Variants in PTGER3 observed in about 807,000 individuals in gnomAD.
PTGER3 encodes prostaglandin E receptor 3.
In PTGER3, 22 loss-of-function variants were observed where a neutral mutation model predicts 34.7. The observed-to-expected ratio is 0.63, with a 90% CI of 0.45 to 0.91. The LOEUF (loss-of-function observed/expected upper bound fraction) is 0.91. Among genes scored for constraint, PTGER3 ranks in the 40% least tolerant of loss-of-function variants. The pLI, the probability that PTGER3 is intolerant of heterozygous loss-of-function variation, is 0.00. For missense variants in PTGER3, 468 were observed against 519.4 expected (o/e 0.90, Z 0.96); for synonymous variants, 241 against 230.1 (o/e 1.05, Z -0.43).
chr1:71,022,519 C>T (rs1190659216), intron 1 of PTGER3, among the ~76,000 whole-genome samples: 1 of 151,826 alleles, frequency 6.6e-6, no homozygotes, highest in Non-Finnish European at 1.5e-5. Flanking sequence ...TCTTATTAAA[C>T]TTTGCAGTAT....
intron 4 of PTGER3, among the ~76,000 whole-genome samples, chr1:70,876,840 C>T (rs969854439): frequency 6.6e-6 from 1 of 152,088 alleles, no homozygotes; most frequent in African/African-American, 2.4e-5. Flanking sequence ...CAGCACCCTG[C>T]CCTTTTGATT....
intron 2 of PTGER3, chr1:71,006,566 C>G (rs1656985943): frequency 1.0e-6 from 1 of 982,688 alleles, no homozygotes; most frequent in African/African-American, 1.7e-5. Context: ...TTTATAAATG[C>G]ACTCTGTGTT....
intron 3 of PTGER3, chr1:70,953,683 T>C: frequency 2.0e-6 from 3 of 1,524,824 alleles, no homozygotes; most frequent in South Asian, 2.5e-5. Context: ...TAAGGAAATA[T>C]GACAAACAGT....
chr1:71,017,466 C>T (rs1658007799), intron 1 of PTGER3, among the ~76,000 whole-genome samples: 2 of 152,094 alleles, frequency 1.3e-5, no homozygotes, highest in Non-Finnish European at 2.9e-5. Flanking sequence ...GTGTGTTGCT[C>T]TTAAGCCACT....
chr1:70,989,100 T>C (rs1448208994), intron 2 of PTGER3, among the ~76,000 whole-genome samples: 1 of 152,114 alleles, frequency 6.6e-6, no homozygotes, highest in African/African-American at 2.4e-5. Context: ...ATCATACTAC[T>C]GTGTAATAAA....
intron 4 of PTGER3, among the ~76,000 whole-genome samples, chr1:70,861,500 A>G (rs531854061): frequency 2.0e-4 from 31 of 152,318 alleles, no homozygotes; most frequent in African/African-American, 7.5e-4. Context: ...ATGCCTTTGA[A>G]GAAATTTGTA....
At chr1:70,910,856 G>T (rs1448873816) in intron 4 of PTGER3, among the ~76,000 whole-genome samples, 2 of 152,124 alleles carry the variant, frequency 1.3e-5, no homozygotes, top group African/African-American at 4.8e-5. Context: ...GCCGAGGCAG[G>T]CGGATCACGA....
At chr1:70,966,941 T>C (rs1357844144), downstream of PTGER3, among the ~76,000 whole-genome samples, 1 of 152,130 alleles carries the variant, frequency 6.6e-6, no homozygotes, top group Non-Finnish European at 1.5e-5. Context: ...GTAGAATGAT[T>C]TCTATTTTGG....
Position 71,047,044 on chromosome 1 carries a change from C to A in PTGER3, c.534G>T (p.Leu178=). The change falls in exon 1 of 4, where the codon CTG becomes CTT. Residue 178 remains leucine, a synonymous_variant. Coordinates refer to ENST00000306666, the MANE Select transcript of PTGER3 (RefSeq NM_198719.2). ...HMKTRATRAV[L]LGVWLAVLAF... ...CGAGCACGGCCAGCCACACGCCGAGCAGCACAGCGCGGGTGGCACGCGTCT... is the reference window on the plus strand; with the variant it reads ...CGAGCACGGCCAGCCACACGCCGAGAAGCACAGCGCGGGTGGCACGCGTCT... The A allele has an allele frequency of 6.2e-7, 1 of 1,611,450 alleles. No individual in the cohort carries two copies. The highest frequency in any genetic ancestry group is 8.5e-7 in the Non-Finnish European group (1 of 1,179,172).
intron 2 of PTGER3, among the ~76,000 whole-genome samples, chr1:70,984,320 G>A (rs896410116): frequency 6.6e-6 from 1 of 151,744 alleles, no homozygotes; most frequent in African/African-American, 2.4e-5. Context: ...CAGAGAGATG[G>A]AGATTGCAGT....
chr1:71,040,158 AAG>A (rs368268554), intron 1 of PTGER3, among the ~76,000 whole-genome samples: 7 of 151,750 alleles, frequency 4.6e-5, no homozygotes, highest in Non-Finnish European at 1.0e-4. Flanking sequence ...AAAGAAAGAA[AAG>A]AGAGAGGAGG....
At position 71,036,616 on chromosome 1, in the gene PTGER3, G is replaced by A. The variant is rs35033892; in HGVS notation, c.897+10065C>T. Among the ~76,000 whole-genome samples, 874 of 152,180 alleles carry A rather than the reference G, an allele frequency of 5.7e-3. 6 individuals are homozygous for A. Among genetic ancestry groups the A allele is most frequent in the Non-Finnish European group, 9.5e-3 (649 of 68,002 alleles). On this transcript the variant is annotated intron_variant, in intron 1 of 3. Transcript: ENST00000306666. Reference sequence around the variant, plus strand: ...AGCCCTTTGGGAGGCCGAGGTGGGCGGATCACAAGGTCAGGAGATCGAGAC... The same window carrying A: ...AGCCCTTTGGGAGGCCGAGGTGGGCAGATCACAAGGTCAGGAGATCGAGAC...
chr1:70,956,866 A>G (rs1651395663), intron 2 of PTGER3, among the ~76,000 whole-genome samples: 1 of 152,118 alleles, frequency 6.6e-6, no homozygotes, highest in Non-Finnish European at 1.5e-5. Flanking sequence ...GAGGTGGCCC[A>G]TGCCTGTAAT....
intron 4 of PTGER3, among the ~76,000 whole-genome samples, chr1:70,915,819 A>G (rs922192369): frequency 1.3e-5 from 2 of 152,000 alleles, no homozygotes; most frequent in African/African-American, 4.8e-5. Flanking sequence ...GTTTCTCAGA[A>G]TTGGCCTTGG....
chr1:71,017,612 A>C (rs1434515062), intron 1 of PTGER3, among the ~76,000 whole-genome samples: 1 of 151,978 alleles, frequency 6.6e-6, no homozygotes, highest in Non-Finnish European at 1.5e-5. Flanking sequence ...ATAGTGAGTG[A>C]CTTCTCATGA....
intron 4 of PTGER3, among the ~76,000 whole-genome samples, chr1:70,931,495 C>A (rs1428147597): frequency 6.6e-6 from 1 of 152,190 alleles, no homozygotes; most frequent in Non-Finnish European, 1.5e-5. Context: ...AGGGTCCTGC[C>A]CCTGCAGCAA....
intron 4 of PTGER3, among the ~76,000 whole-genome samples, chr1:70,885,992 A>T (rs1646490352): frequency 1.3e-5 from 2 of 152,262 alleles, no homozygotes; most frequent in African/African-American, 4.8e-5. Context: ...ACCTCATATG[A>T]TCCTCACAAC....
chr1:70,861,711 A>C lies in PTGER3; in HGVS notation c.*24-8852T>G, dbSNP rs145778824. ...TCATGGTTCCATTAGCAAAAAAAAA[A>C]ACAAAAACTTCTCTGTATGGTATCT... On this transcript the variant is annotated intron_variant, in intron 4 of 4. Coordinates refer to the PTGER3 transcript ENST00000370931. Among the ~76,000 whole-genome samples, 279 of 152,042 alleles carry C rather than the reference A, an allele frequency of 1.8e-3. 2 individuals are homozygous for C. Among genetic ancestry groups the C allele is most frequent in the African/African-American group, 5.8e-3 (239 of 41,440 alleles).
intron 4 of PTGER3, among the ~76,000 whole-genome samples, chr1:70,895,250 CTT>C (rs905918616): frequency 1.3e-5 from 2 of 152,196 alleles, no homozygotes; most frequent in African/African-American, 2.4e-5. Context: ...AGTCCACACT[CTT>C]TGTGTATCAG....
Sources: gnomAD v4.1 joint callset for allele counts (sites outside exome capture counted in the v4.1 genomes callset) on GRCh38, gnomAD v4.1.1 for gene constraint, MANE v1.5 for transcripts, NCBI Gene and HGNC (gene_info 2026-07-23, HGNC 2026-07-21) for gene names.